PDE4D: variants seen among roughly 807,000 people sequenced by gnomAD.
PDE4D encodes 3',5'-cyclic-AMP phosphodiesterase 4D.
PDE4D carries 24 observed loss-of-function variants against 87.4 expected under a neutral mutation model. The ratio of observed to expected loss-of-function variants is 0.27; its 90% CI spans 0.20 to 0.39. The LOEUF (loss-of-function observed/expected upper bound fraction) is 0.39, where lower values mean the gene tolerates loss of function less well. PDE4D is among the 10% of genes least tolerant of loss of function. The pLI is 1.00. For missense variants in PDE4D, 714 were observed against 1,041.0 expected, an observed-to-expected ratio of 0.69 and a Z score of 4.32; for synonymous variants, 384 against 383.2, an observed-to-expected ratio of 1.00 and a Z score of -0.02.
chr5:60,153,717 C>A (rs779046298), intron 2 of PDE4D, among the ~76,000 whole-genome samples: 5 of 152,074 alleles, frequency 3.3e-5, no homozygotes, highest in African/African-American at 4.8e-5. Context: ...TATGCAACAA[C>A]ACGTTTGAAC....
intron 1 of PDE4D, among the ~76,000 whole-genome samples, chr5:59,861,525 G>A (rs544728312): frequency 3.3e-5 from 5 of 152,254 alleles, no homozygotes; most frequent in East Asian, 1.9e-4. Flanking sequence ...GCAACCATTC[G>A]AAACAATGGG....
At chr5:59,760,264 A>G (rs1187718494) in intron 1 of PDE4D, among the ~76,000 whole-genome samples, 3 of 152,208 alleles carry the variant, frequency 2.0e-5, no homozygotes, top group East Asian at 1.9e-4. Flanking sequence ...AACAAAAAAT[A>G]TGGCCAAAAT....
intron 3 of PDE4D, among the ~76,000 whole-genome samples, chr5:59,960,540 C>T (rs1206718329): frequency 6.6e-6 from 1 of 152,094 alleles, no homozygotes; most frequent in Non-Finnish European, 1.5e-5. Context: ...AAAACAAAAT[C>T]ACATCCTTTG....
intron 2 of PDE4D, among the ~76,000 whole-genome samples, chr5:60,100,756 T>A (rs1331857044): frequency 1.3e-5 from 2 of 152,100 alleles, no homozygotes; most frequent in Non-Finnish European, 2.9e-5. Flanking sequence ...AATGGTTTCA[T>A]CATTTATCAC....
At chr5:59,598,061 C>T (rs1204592504) in intron 1 of PDE4D, among the ~76,000 whole-genome samples, 2 of 152,116 alleles carry the variant, frequency 1.3e-5, no homozygotes, top group Admixed American at 1.3e-4. Flanking sequence ...TGATGAGACA[C>T]AAAACTATTA....
At chr5:60,275,867 T>A (rs1237242702) in intron 1 of PDE4D, among the ~76,000 whole-genome samples, 2 of 152,150 alleles carry the variant, frequency 1.3e-5, no homozygotes, top group Non-Finnish European at 2.9e-5. Flanking sequence ...TTATTTCCCT[T>A]GAGAGTTTCT....
At chr5:60,401,184 T>A (rs570646534) in intron 1 of PDE4D, among the ~76,000 whole-genome samples, 1 of 152,152 alleles carries the variant, frequency 6.6e-6, no homozygotes, top group East Asian at 1.9e-4. Flanking sequence ...TCCAGAAAAG[T>A]CAGGACATGA....
At chr5:59,011,057 G>A (rs1291443627) in intron 6 of PDE4D, among the ~76,000 whole-genome samples, 2 of 152,074 alleles carry the variant, frequency 1.3e-5, no homozygotes, top group Non-Finnish European at 2.9e-5. Context: ...CAGCAAACTC[G>A]AACAGACCCA....
chr5:60,069,251 A>C (rs61099545), intron 2 of PDE4D, among the ~76,000 whole-genome samples: 44,324 of 151,996 alleles, frequency 0.29, 7,233 homozygotes, highest in East Asian at 0.74. Flanking sequence ...ACGGGGACTT[A>C]CAGAGATGAT....
intron 2 of PDE4D, among the ~76,000 whole-genome samples, chr5:60,107,601 A>T (rs1777143431): frequency 6.6e-6 from 1 of 152,204 alleles, no homozygotes; most frequent in African/African-American, 2.4e-5. Context: ...TTGATGCAAA[A>T]ATCCTCAATA....
In PDE4D at chr5:59,917,224, T is replaced by C. The variant is rs536828398; in HGVS notation, c.272+71264A>G. Among the ~76,000 whole-genome samples, 11 of 152,220 alleles carry C rather than the reference T, an allele frequency of 7.2e-5. No homozygotes were observed. The South Asian group carries it at 2.1e-3, about 29-fold the overall frequency. ...CTGGCTAGCAAATTTATGTAGAGCATGATACTAATGAAAACAAAGTCACAG... is the reference window on the plus strand; with the variant it reads ...CTGGCTAGCAAATTTATGTAGAGCACGATACTAATGAAAACAAAGTCACAG... On this transcript the variant is annotated intron_variant, in intron 3 of 16. Coordinates refer to the PDE4D transcript ENST00000502484.
At chr5:59,864,752 C>CGT (rs1431222912) in intron 1 of PDE4D, among the ~76,000 whole-genome samples, 1 of 152,090 alleles carries the variant, frequency 6.6e-6, no homozygotes, top group African/African-American at 2.4e-5. Context: ...GCCTGTGGAG[C>CGT]GTGCCCTTGG....
chr5:60,231,258 C>T (rs1745772089), intron 1 of PDE4D, among the ~76,000 whole-genome samples: 1 of 151,856 alleles, frequency 6.6e-6, no homozygotes, highest in African/African-American at 2.4e-5. Context: ...GTGATTAGTT[C>T]AATTGGGGTC....
intron 1 of PDE4D, among the ~76,000 whole-genome samples, chr5:60,203,387 T>C (rs1290475630): frequency 6.6e-6 from 1 of 152,188 alleles, no homozygotes; most frequent in South Asian, 2.1e-4. Context: ...AGGTGTTTAT[T>C]GTAATAAATA....
intron 1 of PDE4D, among the ~76,000 whole-genome samples, chr5:60,318,623 T>C (rs1410014827): frequency 2.6e-5 from 4 of 152,184 alleles, no homozygotes; most frequent in Non-Finnish European, 5.9e-5. Flanking sequence ...TGGCTGGTAC[T>C]GGTTTTTCCT....
intron 3 of PDE4D, among the ~76,000 whole-genome samples, chr5:59,980,219 A>G (rs1761773596): frequency 6.6e-6 from 1 of 152,246 alleles, no homozygotes; most frequent in Non-Finnish European, 1.5e-5. Context: ...ACAGTTCTGC[A>G]TTACAGAAGG....
At chr5:60,211,427 A>G (rs1743202730) in intron 1 of PDE4D, among the ~76,000 whole-genome samples, 2 of 149,140 alleles carry the variant, frequency 1.3e-5, no homozygotes, top group Non-Finnish European at 3.0e-5. Flanking sequence ...TGTCCTCAAG[A>G]GAAAGCTACT....
chr5:60,210,148 T>C (rs1189209149), intron 1 of PDE4D, among the ~76,000 whole-genome samples: 1 of 152,128 alleles, frequency 6.6e-6, no homozygotes, highest in Non-Finnish European at 1.5e-5. Context: ...ACTTAACAAA[T>C]GTACTAAATC....
At chr5:59,522,503 A>C (rs1236528833) in intron 1 of PDE4D, among the ~76,000 whole-genome samples, 2 of 152,194 alleles carry the variant, frequency 1.3e-5, no homozygotes, top group Non-Finnish European at 2.9e-5. Context: ...TGTGCCTCAG[A>C]TGTTTAAGCT....
Sources: gnomAD v4.1 joint callset for allele counts (sites outside exome capture counted in the v4.1 genomes callset) on GRCh38, gnomAD v4.1.1 for gene constraint, MANE v1.5 for transcripts, NCBI Gene and HGNC (gene_info 2026-07-23, HGNC 2026-07-21) for gene names.